CADM2: variants seen among roughly 807,000 people sequenced by gnomAD.
The protein encoded by CADM2 is cell adhesion molecule 2, also known as immunoglobulin superfamily member 4D.
A neutral mutation model predicts 49.8 loss-of-function variants in CADM2; 12 were observed. The ratio of observed to expected loss-of-function variants is 0.24; its 90% confidence interval spans 0.15 to 0.39. The LOEUF (loss-of-function observed/expected upper bound fraction) is 0.39, where lower values mean the gene tolerates loss of function less well. Ranked by LOEUF, CADM2 falls within the 10% of genes least tolerant of loss-of-function variation. CADM2 has a pLI of 1.00. For synonymous variants in CADM2, 214 were observed against 175.4 expected, an observed-to-expected ratio of 1.22 and a Z score of -1.74; for missense variants, 378 against 492.3, an observed-to-expected ratio of 0.77 and a Z score of 2.20.
At chr3:85,898,955 A>ATATATATATATATATGTATTTTTTTT (rs1475991339) in intron 5 of CADM2, among the ~76,000 whole-genome samples, 1 of 33,908 alleles carries the variant, frequency 2.9e-5, no homozygotes, top group African/African-American at 1.5e-4. Context: ...ATATATATAT[A>ATATATATATATATATGTATTTTTTTT]TTTTTTTTTT....
chr3:86,028,051 T>C (rs1577995935), intron 8 of CADM2: 2 of 60,542 alleles, frequency 3.3e-5, no homozygotes, highest in Non-Finnish European at 5.8e-5. Flanking sequence ...GGGCCTGTTG[T>C]GGGGTGGGGG....
chr3:85,423,371 G>C (rs543213391), intron 1 of CADM2, among the ~76,000 whole-genome samples: 2 of 152,072 alleles, frequency 1.3e-5, no homozygotes, highest in African/African-American at 4.8e-5. Flanking sequence ...TTAGGGCCAC[G>C]GGTCCAGACT....
At position 86,053,282 on chromosome 3, in the gene CADM2, A is replaced by G. The variant is rs12637221; in HGVS notation, c.971-12323A>G. On this transcript the variant is annotated intron_variant, in intron 8 of 9. Transcript: ENST00000383699. ...ATTAAGAGACTAGATTTTCCTTGTA[A>G]GTCAAACATTTGAACTCTAAACATA... 5.7e-3 allele frequency among the ~76,000 whole-genome samples: 874 copies of G among 152,300 alleles called. 9 individuals are homozygous for G. The highest frequency in any genetic ancestry group is 0.05 in the East Asian group (258 of 5,182).
chr3:86,041,483 G>A (rs1213924751), intron 8 of CADM2, among the ~76,000 whole-genome samples: 1 of 152,168 alleles, frequency 6.6e-6, no homozygotes, highest in African/African-American at 2.4e-5. Context: ...AAGAGACAAA[G>A]AAGGCCATTA....
intron 8 of CADM2, among the ~76,000 whole-genome samples, chr3:85,994,959 A>T (rs1729188680): frequency 6.8e-6 from 1 of 146,820 alleles, no homozygotes; most frequent in African/African-American, 2.5e-5. Context: ...TGCTGTTGGA[A>T]AAATGGTGCC....
intron 1 of CADM2, among the ~76,000 whole-genome samples, chr3:85,271,947 C>A (rs1434065753): frequency 1.3e-5 from 2 of 151,118 alleles, no homozygotes; most frequent in Non-Finnish European, 3.0e-5. Context: ...TTATTTCATT[C>A]TTCTGTCATA....
At chr3:85,286,361 T>C (rs183744323) in intron 1 of CADM2, among the ~76,000 whole-genome samples, 84 of 152,292 alleles carry the variant, frequency 5.5e-4, no homozygotes, top group Middle Eastern at 3.4e-3. Flanking sequence ...TTTTATTTTG[T>C]CCAAATCAAG....
At chr3:85,505,618 A>G (rs957008226) in intron 1 of CADM2, among the ~76,000 whole-genome samples, 2 of 152,222 alleles carry the variant, frequency 1.3e-5, no homozygotes, top group African/African-American at 4.8e-5. Flanking sequence ...AGGGTATGCA[A>G]CTAAGTCACA....
intron 1 of CADM2, among the ~76,000 whole-genome samples, chr3:85,490,349 A>G (rs1010185316): frequency 6.6e-6 from 1 of 152,082 alleles, no homozygotes; most frequent in African/African-American, 2.4e-5. Context: ...TATATAGCAC[A>G]GTGTTAAGAG....
intron 1 of CADM2, among the ~76,000 whole-genome samples, chr3:85,099,296 C>T (rs2037922236): frequency 6.6e-6 from 1 of 152,024 alleles, no homozygotes; most frequent in Admixed American, 6.6e-5. Context: ...TTCTCAAAGT[C>T]CAATAACATA....
chr3:85,982,558 A>T (rs1727607276), intron 8 of CADM2, among the ~76,000 whole-genome samples: 1 of 151,690 alleles, frequency 6.6e-6, no homozygotes, highest in African/African-American at 2.4e-5. Context: ...CTCATCAAAC[A>T]TCTGAGGACT....
chr3:85,718,538 T>C (rs2067378481), intron 1 of CADM2, among the ~76,000 whole-genome samples: 1 of 152,002 alleles, frequency 6.6e-6, no homozygotes. Flanking sequence ...AAATATAGCA[T>C]AAGAAAAAGA....
chr3:85,824,721 G>T (rs2073806229), intron 3 of CADM2, among the ~76,000 whole-genome samples: 1 of 152,092 alleles, frequency 6.6e-6, no homozygotes, highest in Non-Finnish European at 1.5e-5. Context: ...CTTTCTGGGT[G>T]TTTATTTGCT....
intron 1 of CADM2, among the ~76,000 whole-genome samples, chr3:85,392,247 C>T (rs2034552435): frequency 6.6e-6 from 1 of 152,024 alleles, no homozygotes; most frequent in Non-Finnish European, 1.5e-5. Context: ...AAAGAAATCC[C>T]TTTCACTAAT....
chr3:85,897,523 C>G (rs1384232268), intron 5 of CADM2, among the ~76,000 whole-genome samples: 1 of 151,616 alleles, frequency 6.6e-6, no homozygotes, highest in Non-Finnish European at 1.5e-5. Context: ...CCCGCCTCGG[C>G]CTCCCAAAGT....
At chr3:85,190,569 T>G (rs2041185296) in intron 1 of CADM2, among the ~76,000 whole-genome samples, 1 of 152,156 alleles carries the variant, frequency 6.6e-6, no homozygotes, top group East Asian at 1.9e-4. Context: ...GACATTATAT[T>G]ATTCCCCAAA....
chr3:85,569,443 T>A (rs527840387), intron 1 of CADM2, among the ~76,000 whole-genome samples: 10 of 152,266 alleles, frequency 6.6e-5, no homozygotes, highest in African/African-American at 2.4e-4. Context: ...GAGTATGCTA[T>A]TTCCCTGGAA....
intron 1 of CADM2, among the ~76,000 whole-genome samples, chr3:85,156,629 G>A (rs2040133383): frequency 6.6e-6 from 1 of 151,958 alleles, no homozygotes; most frequent in Non-Finnish European, 1.5e-5. Context: ...ATTTTATGAG[G>A]TCAGCAGCAT....
intron 1 of CADM2, among the ~76,000 whole-genome samples, chr3:85,005,473 C>A (rs2033673955): frequency 6.6e-6 from 1 of 152,052 alleles, no homozygotes; most frequent in African/African-American, 2.4e-5. Flanking sequence ...AAAATTCATC[C>A]TAGTTTCTTT....
Sources: allele counts gnomAD v4.1 joint callset (sites outside exome capture counted in the v4.1 genomes callset), GRCh38; gene constraint gnomAD v4.1.1; transcripts MANE v1.5; gene names NCBI Gene and HGNC (gene_info 2026-07-23, HGNC 2026-07-21).